MAGI1: variants seen among roughly 807,000 people sequenced by gnomAD.
MAGI1 encodes the protein membrane-associated guanylate kinase, WW and PDZ domain-containing protein 1.
A neutral mutation model predicts 139.9 loss-of-function variants in MAGI1; 58 were observed. The ratio of observed to expected loss-of-function variants is 0.41; its 90% CI spans 0.34 to 0.52. MAGI1 has a LOEUF of 0.52. MAGI1 is among the 20% of genes least tolerant of loss of function. The pLI, the probability that MAGI1 is intolerant of heterozygous loss-of-function variation, is 0.12. For missense variants in MAGI1, 1,874 were observed against 1,901.6 expected (o/e 0.99, Z 0.27); for synonymous variants, 812 against 737.9 (o/e 1.10, Z -1.63).
chr3:65,878,515 C>CA (rs35158287), intron 1 of MAGI1, among the ~76,000 whole-genome samples: 2,556 of 80,946 alleles, frequency 0.032, 72 homozygotes, highest in East Asian at 0.093. Flanking sequence ...GACTCAGTCT[C>CA]AAAAAAAAAA....
At chr3:65,984,941 A>AT (rs1423730184) in intron 1 of MAGI1, among the ~76,000 whole-genome samples, 1 of 152,118 alleles carries the variant, frequency 6.6e-6, no homozygotes, top group Non-Finnish European at 1.5e-5. Context: ...TTGAGGACAG[A>AT]TATTTGGAGG....
At chr3:65,416,394 G>T (rs558861937) in intron 12 of MAGI1, among the ~76,000 whole-genome samples, 1 of 152,200 alleles carries the variant, frequency 6.6e-6, no homozygotes, top group East Asian at 1.9e-4. Flanking sequence ...AAACAACCTT[G>T]CAACAAATAC....
chr3:65,500,236 C>A (rs1451083389), intron 2 of MAGI1, among the ~76,000 whole-genome samples: 1 of 152,168 alleles, frequency 6.6e-6, no homozygotes. Context: ...CTGCTCATCA[C>A]TTAAACAGGG....
At chr3:65,535,002 C>T (rs1228601761) in intron 2 of MAGI1, among the ~76,000 whole-genome samples, 1 of 151,932 alleles carries the variant, frequency 6.6e-6, no homozygotes, top group African/African-American at 2.4e-5. Flanking sequence ...CACCATATGG[C>T]CCAGCAATTA....
rs1328430938 is a variant in MAGI1 at position 65,415,639 on chromosome 3, T to G, written c.2167+13881A>C. On this transcript the variant is annotated intron_variant, in intron 12 of 22. Coordinates refer to ENST00000402939, the MANE Select transcript of MAGI1 (RefSeq NM_001033057.2). ...CCAATAAAATTTCTTCAATCCATAT[T>G]CAACAAAAAATAACCCAGAAGTGGA... Among the ~76,000 whole-genome samples the G allele has an allele frequency of 2.0e-5, 3 of 152,170 alleles. No individual in the cohort carries two copies. In the East Asian group the frequency reaches 5.8e-4, roughly 29 times the overall value.
At chr3:65,850,377 A>G (rs1187939972) in intron 1 of MAGI1, among the ~76,000 whole-genome samples, 2 of 152,138 alleles carry the variant, frequency 1.3e-5, no homozygotes, top group African/African-American at 2.4e-5. Flanking sequence ...CTGGGTTTTA[A>G]AACTGAAAGT....
At chr3:65,422,789 C>A (rs1448307677) in intron 12 of MAGI1, among the ~76,000 whole-genome samples, 7 of 151,974 alleles carry the variant, frequency 4.6e-5, no homozygotes, top group Admixed American at 1.3e-4. Context: ...CGAGCCGAGG[C>A]CTGAAAGATG....
chr3:65,868,924 C>A (rs1266511675), intron 1 of MAGI1, among the ~76,000 whole-genome samples: 1 of 152,128 alleles, frequency 6.6e-6, no homozygotes, highest in Non-Finnish European at 1.5e-5. Flanking sequence ...AACCCTCTGA[C>A]CCTGCCCTAC....
intron 3 of MAGI1, among the ~76,000 whole-genome samples, chr3:65,492,341 T>A (rs547449013): frequency 6.6e-6 from 1 of 152,372 alleles, no homozygotes; most frequent in East Asian, 1.9e-4. Flanking sequence ...TCTGATCCTA[T>A]GGATATGTTT....
At chr3:65,735,301 G>T (rs910751579) in intron 1 of MAGI1, among the ~76,000 whole-genome samples, 1 of 151,742 alleles carries the variant, frequency 6.6e-6, no homozygotes, top group African/African-American at 2.4e-5. Context: ...AAGGATTTTT[G>T]GGGGGGTTCT....
intron 1 of MAGI1, among the ~76,000 whole-genome samples, chr3:65,640,432 A>G (rs1243920604): frequency 2.0e-5 from 3 of 152,134 alleles, no homozygotes; most frequent in Admixed American, 1.3e-4. Context: ...AGAGCCTCTG[A>G]TACTTATCTT....
intron 2 of MAGI1, among the ~76,000 whole-genome samples, chr3:65,556,209 A>G (rs1303795422): frequency 6.6e-6 from 1 of 152,240 alleles, no homozygotes; most frequent in Non-Finnish European, 1.5e-5. Flanking sequence ...GACAAGAATG[A>G]TCATCAAAAA....
intron 2 of MAGI1, among the ~76,000 whole-genome samples, chr3:65,608,208 G>A (rs2082852573): frequency 6.6e-6 from 1 of 152,194 alleles, no homozygotes; most frequent in Non-Finnish European, 1.5e-5. Flanking sequence ...TTGGGAGGGT[G>A]AGACAGGCGG....
intron 1 of MAGI1, among the ~76,000 whole-genome samples, chr3:65,727,161 C>T (rs915588670): frequency 6.6e-6 from 1 of 152,002 alleles, no homozygotes; most frequent in Non-Finnish European, 1.5e-5. Flanking sequence ...GTAGGATTTA[C>T]AAAAATTCTT....
chr3:65,792,907 T>A (rs2039885757), intron 1 of MAGI1, among the ~76,000 whole-genome samples: 1 of 152,050 alleles, frequency 6.6e-6, no homozygotes, highest in South Asian at 2.1e-4. Context: ...CTACTATAAA[T>A]CACAACCTCC....
At chr3:65,982,661 T>C (rs371363278) in intron 1 of MAGI1, among the ~76,000 whole-genome samples, 4 of 152,184 alleles carry the variant, frequency 2.6e-5, no homozygotes, top group East Asian at 1.9e-4. Context: ...TCTTGTATTG[T>C]AGAGTGTGTG....
intron 2 of MAGI1, among the ~76,000 whole-genome samples, chr3:65,526,256 T>A (rs1012702942): frequency 6.6e-6 from 1 of 152,186 alleles, no homozygotes; most frequent in Non-Finnish European, 1.5e-5. Flanking sequence ...TGCCATTTTT[T>A]GCCAAAATGA....
chr3:65,512,143 C>T (rs1383650145), intron 2 of MAGI1, among the ~76,000 whole-genome samples: 227 of 80,144 alleles, frequency 2.8e-3, no homozygotes, highest in African/African-American at 8.2e-3. Flanking sequence ...ATCTCTGGGA[C>T]GCATTCAAAG....
chr3:65,849,906 C>G (rs2059146733), intron 1 of MAGI1, among the ~76,000 whole-genome samples: 1 of 152,156 alleles, frequency 6.6e-6, no homozygotes, highest in South Asian at 2.1e-4. Flanking sequence ...CTCTCCCTCT[C>G]TAGATTCAAC....
Sources: gnomAD v4.1 joint callset for allele counts (sites outside exome capture counted in the v4.1 genomes callset) on GRCh38, gnomAD v4.1.1 for gene constraint, MANE v1.5 for transcripts, NCBI Gene and HGNC (gene_info 2026-07-23, HGNC 2026-07-21) for gene names.